The following LMO7 variants were observed in gnomAD, a reference collection of about 807,000 sequenced individuals.
LMO7 encodes the protein LIM domain only protein 7.
In LMO7, 120 loss-of-function variants were observed where a neutral mutation model predicts 206.5. The ratio of observed to expected loss-of-function variants is 0.58; its 90% CI spans 0.50 to 0.68. The LOEUF (loss-of-function observed/expected upper bound fraction) is 0.68, where lower values mean the gene tolerates loss of function less well. Among genes scored for constraint, LMO7 ranks in the 30% least tolerant of loss-of-function variants. The probability of loss-of-function intolerance (pLI) is 0.00; values close to 1 mark genes in which losing one functional copy is unlikely to be tolerated. For synonymous variants in LMO7, 706 were observed against 681.5 expected, an observed-to-expected ratio of 1.04 and a Z score of -0.56; for missense variants, 1,959 against 1,957.9, an observed-to-expected ratio of 1.00 and a Z score of -0.01.
At chr13:75,777,825 T>C (rs2050736321) in intron 4 of LMO7, among the ~76,000 whole-genome samples, 1 of 152,032 alleles carries the variant, frequency 6.6e-6, no homozygotes, top group African/African-American at 2.4e-5. Context: ...TTTTGTGTTT[T>C]TAGTAGAGAC....
chr13:75,760,268 T>C (rs1302723078), intron 3 of LMO7: 7 of 728,058 alleles, frequency 9.6e-6, no homozygotes, highest in Non-Finnish European at 1.2e-5. Flanking sequence ...GGGGATAGGC[T>C]TTCATATTTT....
intron 1 of LMO7, among the ~76,000 whole-genome samples, chr13:75,665,853 A>T (rs1372327806): frequency 6.6e-6 from 1 of 152,170 alleles, no homozygotes; most frequent in African/African-American, 2.4e-5. Context: ...TATATGTTCT[A>T]TGGATGTTCA....
chr13:75,819,265 G>C (rs2057348554), intron 12 of LMO7, 128 bp from the exon 13 acceptor site: 2 of 1,147,624 alleles, frequency 1.7e-6, no homozygotes, highest in Non-Finnish European at 2.4e-6. Context: ...AGCAAAATTA[G>C]GGCACCTTGG....
intron 8 of LMO7, chr13:75,804,784 T>C: frequency 9.0e-7 from 1 of 1,109,822 alleles, no homozygotes; most frequent in Non-Finnish European, 1.2e-6. Context: ...AGTTTATTGG[T>C]ATTTTTCAGC....
At chr13:75,833,020 C>T (rs771850694) in intron 15 of LMO7, 31 bp from the exon 16 acceptor site, 9 of 1,281,548 alleles carry the variant, frequency 7.0e-6, no homozygotes, top group African/African-American at 2.9e-5. Flanking sequence ...CCAGGGACAC[C>T]GGATACCAGC....
At chr13:75,654,846 A>G (rs1419529492) in intron 1 of LMO7, among the ~76,000 whole-genome samples, 1 of 150,454 alleles carries the variant, frequency 6.6e-6, no homozygotes, top group Non-Finnish European at 1.5e-5. Flanking sequence ...CTTTTTACAC[A>G]ATACAACTAC....
chr13:75,631,073 C>G (rs2034882055), intron 2 of LMO7, among the ~76,000 whole-genome samples: 1 of 152,210 alleles, frequency 6.6e-6, no homozygotes, highest in Non-Finnish European at 1.5e-5. Flanking sequence ...GTTGCCCAGG[C>G]TGGAGTGCAG....
At chr13:75,642,569 C>T (rs2139027048) in intron 1 of LMO7, among the ~76,000 whole-genome samples, 1 of 151,930 alleles carries the variant, frequency 6.6e-6, no homozygotes, top group African/African-American at 2.4e-5. Context: ...TGCCACTGCA[C>T]TCCAGCCTGG....
At chr13:75,731,994 G>A (rs918119508) in intron 3 of LMO7, among the ~76,000 whole-genome samples, 59 of 152,134 alleles carry the variant, frequency 3.9e-4, no homozygotes, top group Non-Finnish European at 8.2e-4. Flanking sequence ...TGACAGATCC[G>A]CTGTTAGTCT....
At chr13:75,828,317 T>C (rs1165401599) in intron 15 of LMO7, among the ~76,000 whole-genome samples, 3 of 152,208 alleles carry the variant, frequency 2.0e-5, no homozygotes, top group Non-Finnish European at 2.9e-5. Context: ...TTGAAAGTTA[T>C]GTAACTTGCC....
chr13:75,628,212 G>A (rs570063543), intron 2 of LMO7: 1 of 152,336 alleles, frequency 6.6e-6, no homozygotes, highest in Non-Finnish European at 1.5e-5. Flanking sequence ...TGTCCACTGG[G>A]TGAAGCATTC....
At chr13:75,837,187 C>T (rs1043762236) in intron 19 of LMO7, among the ~76,000 whole-genome samples, 14 of 152,104 alleles carry the variant, frequency 9.2e-5, no homozygotes, top group African/African-American at 3.4e-4. Flanking sequence ...TTTCTTAAAG[C>T]CAACCTAAAT....
At chr13:75,798,520 A>G (rs1283622568) in intron 6 of LMO7, among the ~76,000 whole-genome samples, 4 of 152,238 alleles carry the variant, frequency 2.6e-5, no homozygotes, top group Non-Finnish European at 4.4e-5. Context: ...ACCAGTTTCA[A>G]AACCAGAGGA....
chr13:75,685,890 CT>C (rs551370410), intron 1 of LMO7, among the ~76,000 whole-genome samples: 2,870 of 105,982 alleles, frequency 0.027, 33 homozygotes, highest in African/African-American at 0.072. Flanking sequence ...TTTTCTTTCT[CT>C]TTTTTTTTTT....
chr13:75,840,131 A>G (rs933063937), intron 21 of LMO7, 21 bp downstream of exon 21: 3 of 1,613,052 alleles, frequency 1.9e-6, no homozygotes, highest in African/African-American at 2.7e-5. Flanking sequence ...TTCATTTGTC[A>G]TTTGGAATAA....
chr13:75,755,551 C>A (rs1246605939), intron 3 of LMO7, among the ~76,000 whole-genome samples: 1 of 152,132 alleles, frequency 6.6e-6, no homozygotes, highest in African/African-American at 2.4e-5. Context: ...ATTGACATCC[C>A]TAATTTCAAT....
intron 1 of LMO7, among the ~76,000 whole-genome samples, chr13:75,707,406 T>C (rs2042739049): frequency 6.6e-6 from 1 of 152,148 alleles, no homozygotes; most frequent in Admixed American, 6.5e-5. Flanking sequence ...ATGACATGAA[T>C]TTCAATTTCA....
intron 6 of LMO7, among the ~76,000 whole-genome samples, chr13:75,797,497 C>T (rs1022816089): frequency 9.9e-5 from 15 of 152,052 alleles, no homozygotes; most frequent in Admixed American, 9.8e-4. Context: ...TCAGAAGAGC[C>T]CTTTTGTGTA....
intron 4 of LMO7, among the ~76,000 whole-genome samples, chr13:75,786,343 T>C (rs1647131914): frequency 6.6e-6 from 1 of 151,872 alleles, no homozygotes; most frequent in African/African-American, 2.4e-5. Flanking sequence ...GAGGGTTCAA[T>C]CCCTGGACCA....
Sources: gnomAD v4.1 joint callset for allele counts (sites outside exome capture counted in the v4.1 genomes callset) on GRCh38, gnomAD v4.1.1 for gene constraint, MANE v1.5 for transcripts, NCBI Gene and HGNC (gene_info 2026-07-23, HGNC 2026-07-21) for gene names.